Variants in TRIM61 observed in about 807,000 individuals in gnomAD.
TRIM61 encodes tripartite motif containing 61, also known as putative tripartite motif-containing protein 61.
A neutral mutation model predicts 14.2 loss-of-function variants in TRIM61; 1 was observed. The observed-to-expected ratio is 0.07, with a 90% CI of 0.03 to 0.33. The LOEUF (loss-of-function observed/expected upper bound fraction) is 0.33, where lower values mean the gene tolerates loss of function less well. Ranked by LOEUF, TRIM61 falls within the 10% of genes least tolerant of loss-of-function variation. The pLI is 0.99. For missense variants in TRIM61, 19 were observed against 202.2 expected (o/e 0.09, Z 5.49); for synonymous variants, 8 against 71.6 (o/e 0.11, Z 4.49).
At chr4:164,962,588 A>G (rs1432654858) in intron 3 of TRIM61, among the ~76,000 whole-genome samples, 1 of 152,050 alleles carries the variant, frequency 6.6e-6, no homozygotes, top group African/African-American at 2.4e-5. Context: ...CCAACTCACA[A>G]TTCTATAACC....
At chr4:164,956,770 G>C (rs543969044) in intron 3 of TRIM61, among the ~76,000 whole-genome samples, 1 of 152,294 alleles carries the variant, frequency 6.6e-6, no homozygotes, top group South Asian at 2.1e-4. Context: ...TTGGGTGGCA[G>C]AAGAGCAAAG....
chr4:164,964,958 G>A (rs1290600854), intron 3 of TRIM61, among the ~76,000 whole-genome samples: 1 of 151,994 alleles, frequency 6.6e-6, no homozygotes, highest in African/African-American at 2.4e-5. Flanking sequence ...ACTAATTATT[G>A]TAATTTAACC....
intron 3 of TRIM61, among the ~76,000 whole-genome samples, chr4:164,962,065 ATTATC>A (rs1000311874): frequency 6.6e-5 from 10 of 151,780 alleles, no homozygotes; most frequent in Admixed American, 2.0e-4. Flanking sequence ...AAATAGTTTT[ATTATC>A]TTATAGGACC....
At position 164,969,214 on chromosome 4, in the gene TRIM61, T is replaced by A. The variant is rs1579147985; in HGVS notation, c.525+264A>T. ...ATTTGAATAAAAACAGCTCAGGGAATTTTAAATTCTCATATCTGTGATAGA... is the reference window on the plus strand; with the variant it reads ...ATTTGAATAAAAACAGCTCAGGGAAATTTAAATTCTCATATCTGTGATAGA... On this transcript the variant is annotated intron_variant, in intron 3 of 4. Transcript: ENST00000329314. 5 of 1,302,522 alleles carry A rather than the reference T, an allele frequency of 3.8e-6. No individual in the cohort carries two copies. In the East Asian group the frequency reaches 1.8e-4, roughly 46 times the overall value. The allele number at this position is 1,302,522 out of a possible 1,614,324, so 80.7% of individuals were successfully genotyped here.
At chr4:164,955,957 C>A (rs1222670699) in intron 3 of TRIM61, among the ~76,000 whole-genome samples, 5 of 152,150 alleles carry the variant, frequency 3.3e-5, no homozygotes, top group African/African-American at 1.2e-4. Context: ...AGCCCTGAGG[C>A]GGACTGAAAA....
intron 2 of TRIM61, among the ~76,000 whole-genome samples, chr4:164,974,077 G>A (rs1732429245): frequency 6.6e-6 from 1 of 152,226 alleles, no homozygotes; most frequent in Admixed American, 6.5e-5. Flanking sequence ...GGCTGCAGCG[G>A]GAGAATTGCT....
At chr4:164,966,409 C>T (rs147040356) in intron 3 of TRIM61, among the ~76,000 whole-genome samples, 262 of 152,192 alleles carry the variant, frequency 1.7e-3, no homozygotes, top group African/African-American at 6.1e-3. Flanking sequence ...TTCTTGTCTC[C>T]CAAAGTGGGA....
chr4:164,959,207 G>C (rs1732079986), intron 3 of TRIM61: 1 of 166,222 alleles, frequency 6.0e-6, no homozygotes, highest in Admixed American at 6.6e-5. Context: ...GTAATTTGTT[G>C]ATTATATTCA....
chr4:164,961,162 A>AAAAAAAAAAAAAAAAAAAAAG (rs1732126921), intron 3 of TRIM61, among the ~76,000 whole-genome samples: 2 of 44,800 alleles, frequency 4.5e-5, no homozygotes, highest in Non-Finnish European at 7.8e-5. Flanking sequence ...GCAAAAAAAA[A>AAAAAAAAAAAAAAAAAAAAAG]AAAAAAAAAA....
At chr4:164,972,937 C>G (rs1177570514) in intron 2 of TRIM61, among the ~76,000 whole-genome samples, 2 of 152,146 alleles carry the variant, frequency 1.3e-5, no homozygotes, top group African/African-American at 4.8e-5. Context: ...ATTCAGAACC[C>G]TTCGTATTTC....
chr4:164,976,963 C>G (rs1376588143), intron 1 of TRIM61, 138 bp from the exon 2 acceptor site: 1 of 152,064 alleles, frequency 6.6e-6, no homozygotes, highest in Admixed American at 6.6e-5. Context: ...AAACCCCTCA[C>G]CAGGCAGCAA....
chr4:164,973,655 T>A (rs1199975902), intron 2 of TRIM61, among the ~76,000 whole-genome samples: 2 of 152,194 alleles, frequency 1.3e-5, no homozygotes, highest in Non-Finnish European at 2.9e-5. Context: ...TAATACTGTC[T>A]CAGGTTTTAA....
intron 2 of TRIM61, among the ~76,000 whole-genome samples, chr4:164,972,798 C>T (rs536658342): frequency 1.3e-5 from 2 of 152,246 alleles, no homozygotes; most frequent in Non-Finnish European, 2.9e-5. Flanking sequence ...ATGTCTATTG[C>T]TTCTTGATAT....
intron 3 of TRIM61, among the ~76,000 whole-genome samples, chr4:164,964,564 T>A (rs1050663255): frequency 7.2e-6 from 1 of 139,174 alleles, no homozygotes. Context: ...CAAGTTAGTA[T>A]GGGATTTCAA....
chr4:164,961,155 A>AAAAAAAAAAAAAAAAC, intron 3 of TRIM61, among the ~76,000 whole-genome samples: 1 of 36,250 alleles, frequency 2.8e-5, no homozygotes, highest in African/African-American at 1.6e-4. Context: ...CTCTCAGGCA[A>AAAAAAAAAAAAAAAAC]AAAAAAAAAA....
At chr4:164,969,230 C>T in intron 3 of TRIM61, 1 of 1,350,838 alleles carries the variant, frequency 7.4e-7, no homozygotes, top group Non-Finnish European at 9.5e-7. Flanking sequence ...ATTCTCATAT[C>T]TGTGATAGAT....
At position 164,966,914 on chromosome 4, in the gene TRIM61, G is replaced by A. The variant is rs142334215; in HGVS notation, c.525+2564C>T. 2.6e-3 allele frequency among the ~76,000 whole-genome samples: 399 copies of A among 151,912 alleles called. 1 individual carries two copies. The highest frequency in any genetic ancestry group is 9.1e-3 in the African/African-American group (376 of 41,410). On this transcript the variant is annotated intron_variant, in intron 3 of 4. Coordinates refer to ENST00000329314, the MANE Select transcript of TRIM61 (RefSeq NM_001012414.3). ...TGCACTACAGTGTGGGTGACAGAGCGAGACTCTATGTCAAAAATAAAAAAA... is the reference window on the plus strand; with the variant it reads ...TGCACTACAGTGTGGGTGACAGAGCAAGACTCTATGTCAAAAATAAAAAAA...
At chr4:164,961,944 G>A (rs549310891) in intron 3 of TRIM61, among the ~76,000 whole-genome samples, 1 of 152,240 alleles carries the variant, frequency 6.6e-6, no homozygotes, top group African/African-American at 2.4e-5. Context: ...GTACCTGTAA[G>A]CTACATAGTA....
intron 3 of TRIM61, among the ~76,000 whole-genome samples, chr4:164,960,064 T>C (rs1732099576): frequency 6.6e-6 from 1 of 152,066 alleles, no homozygotes. Flanking sequence ...AGAGGAAGAT[T>C]ATATGAGGAA....
Sources: gnomAD v4.1 joint callset for allele counts (sites outside exome capture counted in the v4.1 genomes callset) on GRCh38, gnomAD v4.1.1 for gene constraint, MANE v1.5 for transcripts, NCBI Gene and HGNC (gene_info 2026-07-23, HGNC 2026-07-21) for gene names.